LTBP2: variants seen among roughly 807,000 people sequenced by gnomAD.
LTBP2 encodes the protein latent transforming growth factor beta binding protein 2, also known as latent-transforming growth factor beta-binding protein 2.
LTBP2 carries 103 observed loss-of-function variants against 210.6 expected under a neutral mutation model. That is an observed-to-expected ratio of 0.49 (90% CI 0.42 to 0.58). LTBP2 has a LOEUF of 0.58. Ranked by LOEUF, LTBP2 falls within the 20% of genes least tolerant of loss-of-function variation. The probability of loss-of-function intolerance (pLI) is 0.00; values close to 1 mark genes in which losing one functional copy is unlikely to be tolerated. For synonymous variants in LTBP2, 1,007 were observed against 1,015.0 expected (o/e 0.99, Z 0.15); for missense variants, 2,313 against 2,494.5 (o/e 0.93, Z 1.55).
intron 16 of LTBP2, 36 bp from the exon 17 acceptor site, chr14:74,522,075 G>A (rs776064152): frequency 5.0e-6 from 8 of 1,594,904 alleles, no homozygotes; most frequent in South Asian, 3.4e-5. Flanking sequence ...GGTCAGGGGG[G>A]CCAGCGGTGC....
chr14:74,540,551 G>T (rs1361949305), intron 8 of LTBP2, among the ~76,000 whole-genome samples: 6 of 150,992 alleles, frequency 4.0e-5, no homozygotes, highest in African/African-American at 7.3e-5. Flanking sequence ...GGATCATGAG[G>T]TCAGGAGATC....
intron 2 of LTBP2, among the ~76,000 whole-genome samples, chr14:74,598,870 C>A (rs143746963): frequency 6.6e-6 from 1 of 152,190 alleles, no homozygotes; most frequent in Non-Finnish European, 1.5e-5. Context: ...TCAGAAAGCA[C>A]AGAGCTAAGC....
intron 13 of LTBP2, 59 bp from the exon 14 acceptor site, chr14:74,526,173 C>A (rs1462916620): frequency 2.0e-6 from 3 of 1,520,522 alleles, no homozygotes; most frequent in Non-Finnish European, 2.7e-6. Context: ...TGATGTGCCA[C>A]CTTCCACCAC....
chr14:74,552,443 C>T (rs773417871), intron 5 of LTBP2, 50 bp from the exon 6 acceptor site: 11 of 1,540,748 alleles, frequency 7.1e-6, no homozygotes, highest in South Asian at 1.1e-5. Context: ...CAGCAGCACC[C>T]GCTCTGTGGC....
chr14:74,586,034 C>A lies in LTBP2; in HGVS notation c.650G>T (p.Arg217Leu), dbSNP rs573206649. Residue 217 changes from arginine to leucine, a missense_variant, in exon 3 of 36, where the codon CGC becomes CTC. By Grantham distance (102) the Arg-to-Leu change is moderately radical. Around this residue, in one of 3 missense-constraint regions of LTBP2, gnomAD observed 1,867 missense variants for 1,976.9 expected, o/e 0.94. Coordinates refer to ENST00000261978, the MANE Select transcript of LTBP2 (RefSeq NM_000428.3). This position sits in a 1 kb window ranked among gnomAD's most constrained non-coding sequence, Gnocchi z 4.6. ...CVCRSGFRGA[R>L]CEEVIPDEEF... The stretch of plus-strand genomic sequence containing the variant: ...CTCATCGGGAATGACCTCCTCGCAG[C>A]GGGCTCCACGGAAACCAGAGCGGCA... 42 of 1,602,788 alleles carry A rather than the reference C, an allele frequency of 2.6e-5. No individual in the cohort carries two copies. Among genetic ancestry groups the A allele is most frequent in the Non-Finnish European group, 3.3e-5 (39 of 1,174,980 alleles).
In LTBP2 at chr14:74,611,695, G is replaced by C. The variant is rs2139815851; in HGVS notation, c.250C>G (p.Pro84Ala). The C allele has an allele frequency of 6.3e-7, 1 of 1,583,430 alleles. No individual in the cohort carries two copies. The highest frequency in any genetic ancestry group is 8.5e-7 in the Non-Finnish European group (1 of 1,171,140). ...CAGCCCGGCTGGGCCCGCTCCACGG[G>C]CTGCAAGCCCGCGACAGGCGCGTCC... ...EQDAPVAGLQ[P>A]VERAQPGWGS... Residue 84 changes from proline to alanine, a missense_variant, in exon 1 of 36, where the codon CCC (proline) becomes GCC (alanine). Pro to Ala is a conservative substitution (Grantham distance 27). This residue lies in a region of LTBP2 where 1,867 missense variants were observed against 1,976.9 expected (regional missense o/e 0.94). Coordinates refer to ENST00000261978, the MANE Select transcript of LTBP2 (RefSeq NM_000428.3).
rs924495842 is a variant in LTBP2 at position 74,508,617 on chromosome 14, GC to G, written c.3638del (p.Gly1213AlafsTer92). ...CTGGCTTCTCACCCTGGCAGCTGGT[GC>G]CCCCCTCTGCGCTGACGAAGCCAGG... ...CAPGFVSAEG[G>X]TSCQDVDECA... On this transcript the variant is annotated frameshift_variant, in exon 24 of 36. Coordinates refer to ENST00000261978, the MANE Select transcript of LTBP2 (RefSeq NM_000428.3). LOFTEE classifies it high-confidence loss of function. The G allele has an allele frequency of 6.2e-7, 1 of 1,608,674 alleles. No homozygotes were observed.
chr14:74,611,607 C>A lies in LTBP2; in HGVS notation c.338G>T (p.Arg113Leu), dbSNP rs1300316519. 6.4e-7 allele frequency: 1 copy of A among 1,566,346 alleles called. No homozygotes were observed. The highest frequency in any genetic ancestry group is 1.2e-5 in the South Asian group (1 of 86,712). Residue 113 changes from arginine to leucine, a missense_variant, in exon 1 of 36, where the codon CGG (arginine) becomes CTG (leucine). Physicochemically the swap from Arg to Leu is moderately radical, Grantham distance 102. This residue lies in a region of LTBP2 where 1,867 missense variants were observed against 1,976.9 expected (regional missense o/e 0.94). Transcript: ENST00000261978. ...ARRPSRAQQSRRVQPPAQTRR... is the reference protein window; with the variant it reads ...ARRPSRAQQSLRVQPPAQTRR... ...GGTCTGCGCAGGTGGCTGGACACGCCGCGACTGCTGCGCGCGGGACGGCCT... is the reference window on the plus strand; with the variant it reads ...GGTCTGCGCAGGTGGCTGGACACGCAGCGACTGCTGCGCGCGGGACGGCCT...
intron 8 of LTBP2, among the ~76,000 whole-genome samples, chr14:74,536,896 T>C (rs1389053280): frequency 1.3e-5 from 2 of 152,206 alleles, no homozygotes; most frequent in Non-Finnish European, 2.9e-5. Context: ...AATTTTTATT[T>C]GTCAATTAAA....
intron 34 of LTBP2, chr14:74,502,055 C>T (rs2086916980): frequency 3.6e-6 from 1 of 279,230 alleles, no homozygotes; most frequent in Non-Finnish European, 7.0e-6. Flanking sequence ...CCTCTTCACT[C>T]CCTAAGCACC....
At chr14:74,536,120 C>T (rs2087418941) in intron 8 of LTBP2, 120 bp from the exon 9 acceptor site, 1 of 831,208 alleles carries the variant, frequency 1.2e-6, no homozygotes, top group Non-Finnish European at 2.0e-6. Flanking sequence ...AGCCCCAGCC[C>T]CCGAAGCCAT....
At chr14:74,598,055 CAT>C (rs1249861454) in intron 2 of LTBP2, among the ~76,000 whole-genome samples, 2 of 152,198 alleles carry the variant, frequency 1.3e-5, no homozygotes, top group Non-Finnish European at 2.9e-5. Context: ...CCTCATCTGA[CAT>C]ATGGGGAAAC....
At chr14:74,570,546 C>A (rs1595283743) in intron 3 of LTBP2, among the ~76,000 whole-genome samples, 1 of 152,220 alleles carries the variant, frequency 6.6e-6, no homozygotes, top group East Asian at 1.9e-4. Flanking sequence ...GGAACTAGGG[C>A]CCCAACCTGG....
chr14:74,569,792 G>A (rs576297573), intron 3 of LTBP2, among the ~76,000 whole-genome samples: 16 of 151,416 alleles, frequency 1.1e-4, no homozygotes, highest in African/African-American at 3.9e-4. Flanking sequence ...TAAGACATAG[G>A]TGTCTCTGCC....
At chr14:74,528,886 C>A (rs1405140870) in intron 11 of LTBP2, 72 bp downstream of exon 11, 1 of 1,578,482 alleles carries the variant, frequency 6.3e-7, no homozygotes, top group East Asian at 2.3e-5. Flanking sequence ...GGAAGTCTAC[C>A]CAGGCCTGGC....
At chr14:74,577,724 C>T (rs2088078309) in intron 3 of LTBP2, among the ~76,000 whole-genome samples, 1 of 151,742 alleles carries the variant, frequency 6.6e-6, no homozygotes, top group Non-Finnish European at 1.5e-5. Context: ...TCAGGCTGGT[C>T]TTGCACTCCT....
chr14:74,565,195 T>G (rs2196863), intron 3 of LTBP2, among the ~76,000 whole-genome samples: 83,040 of 152,014 alleles, frequency 0.55, 23,340 homozygotes, highest in African/African-American at 0.62. Context: ...CCAACCTTGG[T>G]TGAAGTCTTT....
chr14:74,558,531 TG>T (rs2087756814), intron 3 of LTBP2, among the ~76,000 whole-genome samples: 1 of 152,196 alleles, frequency 6.6e-6, no homozygotes, highest in Non-Finnish European at 1.5e-5. Context: ...CTCAGGTTAG[TG>T]GCAGCGCCAC....
intron 18 of LTBP2, among the ~76,000 whole-genome samples, chr14:74,513,116 G>T (rs2139700162): frequency 6.6e-6 from 1 of 152,378 alleles, no homozygotes; most frequent in East Asian, 1.9e-4. Context: ...GTGGGAAGGA[G>T]ATAAGGTTTG....
Sources: gnomAD v4.1 joint callset for allele counts (sites outside exome capture counted in the v4.1 genomes callset) on GRCh38, gnomAD v4.1.1 for gene constraint, gnomAD v4.1.1 regional missense constraint, Gnocchi (gnomAD v3.1) non-coding constraint, MANE v1.5 for transcripts, NCBI Gene and HGNC (gene_info 2026-07-23, HGNC 2026-07-21) for gene names.